Variants in FAM114A2 observed in about 807,000 individuals in gnomAD.
FAM114A2 encodes protein FAM114A2.
FAM114A2 carries 53 observed loss-of-function variants against 58.4 expected under a neutral mutation model. The observed-to-expected ratio is 0.91, with a 90% CI of 0.73 to 1.14. FAM114A2 has a LOEUF of 1.14. FAM114A2 is among the 50% of genes most tolerant of loss of function. The pLI is 0.00. For missense variants in FAM114A2, 601 were observed against 581.1 expected (o/e 1.03, Z -0.35); for synonymous variants, 228 against 211.4 (o/e 1.08, Z -0.68).
intron 8 of FAM114A2, among the ~76,000 whole-genome samples, chr5:154,022,223 G>C (rs1290180399): frequency 1.3e-5 from 2 of 152,122 alleles, no homozygotes; most frequent in Non-Finnish European, 2.9e-5. Context: ...ACATAGGCAT[G>C]GGCAAGGACT....
chr5:154,034,680 G>GC, intron 2 of FAM114A2, 64 bp downstream of exon 2: 1 of 1,199,048 alleles, frequency 8.3e-7, no homozygotes. Flanking sequence ...ATTTCTTTTA[G>GC]CCCCAACATT....
chr5:153,995,159 A>C, intron 12 of FAM114A2, 187 bp from the exon 13 acceptor site: 1 of 549,254 alleles, frequency 1.8e-6, no homozygotes. Flanking sequence ...TTCTTTCTTA[A>C]TATCTTTCTG....
intron 4 of FAM114A2, among the ~76,000 whole-genome samples, 175 bp downstream of exon 4, chr5:154,033,616 A>G (rs186141879): frequency 1.7e-3 from 256 of 152,334 alleles, no homozygotes; most frequent in African/African-American, 5.7e-3. Context: ...AGGGACACAT[A>G]AGCAGTTAAA....
At chr5:154,028,521 C>T (rs749854001) in intron 5 of FAM114A2, among the ~76,000 whole-genome samples, 4 of 152,130 alleles carry the variant, frequency 2.6e-5, no homozygotes. Context: ...CTCATGGTTA[C>T]ATCCTAACAG....
chr5:153,993,557 T>C (rs1379219510), intron 13 of FAM114A2, among the ~76,000 whole-genome samples: 1 of 152,176 alleles, frequency 6.6e-6, no homozygotes, highest in African/African-American at 2.4e-5. Context: ...GCACAATAAC[T>C]GCTCACACAC....
intron 13 of FAM114A2, among the ~76,000 whole-genome samples, chr5:153,994,158 C>A (rs1178815814): frequency 6.6e-6 from 1 of 152,150 alleles, no homozygotes; most frequent in Non-Finnish European, 1.5e-5. Flanking sequence ...GAATTAAAAT[C>A]ATTTCCTTGA....
At chr5:154,020,603 T>C (rs1466790404) in intron 8 of FAM114A2, among the ~76,000 whole-genome samples, 4 of 152,222 alleles carry the variant, frequency 2.6e-5, no homozygotes, top group South Asian at 2.1e-4. Context: ...CAGAAAGAAG[T>C]TGAATCTCTG....
At chr5:154,009,420 G>A (rs925912429) in intron 9 of FAM114A2, among the ~76,000 whole-genome samples, 4 of 152,178 alleles carry the variant, frequency 2.6e-5, no homozygotes, top group Admixed American at 6.5e-5. Context: ...GGAGAAAGGA[G>A]AGGTCATGAC....
Position 154,002,247 on chromosome 5 carries a change from T to C in FAM114A2, c.1256+4A>G, listed in dbSNP as rs763300211. On this transcript the variant is annotated splice_donor_region_variant and intron_variant, in intron 11 of 13. Transcript: ENST00000351797. ...TCATTTAGAGGAATTCTCATTACAC[T>C]TACTGGGAAAGAGTTTGGCTCCTTT... is the stretch of plus-strand genomic sequence containing the variant. 1 of 1,613,002 alleles carries C rather than the reference T, an allele frequency of 6.2e-7. No individual in the cohort carries two copies. The highest frequency in any genetic ancestry group is 8.5e-7 in the Non-Finnish European group (1 of 1,179,166).
At position 154,034,752 on chromosome 5, in the gene FAM114A2, G is replaced by C. The variant is rs374992675; in HGVS notation, c.202C>G (p.Pro68Ala). ...TCTGTGGTCTGTGATACCTGAATAG[G>C]GAGAACTTTTGAAGTCTCAAGGTCA... ...SSDLETSKVL[P>A]IQDNVSKDVP... Residue 68 changes from proline (P) to alanine (A), a missense_variant, in exon 2 of 14, where the codon CCT becomes GCT. Coordinates refer to ENST00000351797, the MANE Select transcript of FAM114A2 (RefSeq NM_018691.4). 6.2e-7 allele frequency: 1 copy of C among 1,609,390 alleles called. No homozygotes were observed. Among genetic ancestry groups the C allele is most frequent in the African/African-American group, 1.3e-5 (1 of 74,748 alleles).
chr5:154,027,088 A>G, intron 7 of FAM114A2, 88 bp downstream of exon 7: 3 of 1,099,286 alleles, frequency 2.7e-6, no homozygotes, highest in Non-Finnish European at 3.9e-6. Context: ...CATACACTTC[A>G]TCTTCCAAAT....
At chr5:154,027,089 T>A (rs1771834527) in intron 7 of FAM114A2, 87 bp downstream of exon 7, 2 of 1,105,446 alleles carry the variant, frequency 1.8e-6, no homozygotes, top group Admixed American at 4.9e-5. Flanking sequence ...ATACACTTCA[T>A]CTTCCAAATG....
rs1248661233 is a variant in FAM114A2, at chr5:154,028,282, C to A, written c.497G>T (p.Gly166Val). The A allele has an allele frequency of 8.8e-6, 14 of 1,588,532 alleles. No individual in the cohort carries two copies. Among genetic ancestry groups the A allele is most frequent in the East Asian group, 2.2e-5 (1 of 44,690 alleles). ...STISTAVQST[G>V]KSVISGGLDA... ...CAAACCCCCACTTATAACACTCTTT[C>A]CCTAGAAAATACATGCAACCTCATT... Residue 166 changes from glycine (G) to valine (V), a missense_variant and splice_region_variant, in exon 6 of 14, where the codon GGA becomes GTA. Coordinates refer to ENST00000351797, the MANE Select transcript of FAM114A2 (RefSeq NM_018691.4).
chr5:153,990,499 T>TAAAAAAA lies in FAM114A2; in HGVS notation c.*2470_*2476dup, dbSNP rs72473886. Reference sequence around the variant, plus strand: ...GCCTGCCAACCTGGATATCTATGCTTAAAAAAAAAAAAAAAAACTATCAAA... The same window carrying TAAAAAAA: ...GCCTGCCAACCTGGATATCTATGCTTAAAAAAAAAAAAAAAAAAAAAAAACTATCAAA... On this transcript the variant is annotated 3_prime_UTR_variant, in exon 14 of 14. Coordinates refer to ENST00000351797, the MANE Select transcript of FAM114A2 (RefSeq NM_018691.4). 1 of 143,394 alleles carries TAAAAAAA rather than the reference T, an allele frequency of 7.0e-6. No homozygotes were observed. The allele number at this position is 143,394 out of a possible 1,614,324, so 8.9% of individuals were successfully genotyped here.
At chr5:153,995,033 C>T (rs922346344) in intron 12 of FAM114A2, 61 bp from the exon 13 acceptor site, 91 of 1,046,366 alleles carry the variant, frequency 8.7e-5, no homozygotes, top group Middle Eastern at 2.0e-4. Flanking sequence ...AAGTGGAGTA[C>T]GATCACACTT....
intron 13 of FAM114A2, among the ~76,000 whole-genome samples, chr5:153,993,705 C>T (rs1437259054): frequency 6.6e-6 from 1 of 152,072 alleles, no homozygotes. Flanking sequence ...AAAGCCCTCA[C>T]CTTTCAAAAG....
chr5:154,000,988 AC>A (rs1769932542), intron 11 of FAM114A2, among the ~76,000 whole-genome samples: 1 of 152,186 alleles, frequency 6.6e-6, no homozygotes, highest in Non-Finnish European at 1.5e-5. Flanking sequence ...TCTAATTTTT[AC>A]AACAACTCCA....
At chr5:153,996,993 A>T (rs1288245837) in intron 12 of FAM114A2, among the ~76,000 whole-genome samples, 1 of 18,868 alleles carries the variant, frequency 5.3e-5, no homozygotes, top group Non-Finnish European at 1.1e-4. Context: ...GCAAAACTTA[A>T]AAAAAAAAAA....
At chr5:153,996,610 CACAA>C (rs1421778306) in intron 12 of FAM114A2, among the ~76,000 whole-genome samples, 2 of 146,862 alleles carry the variant, frequency 1.4e-5, no homozygotes, top group South Asian at 2.2e-4. Context: ...ATAATAAAAA[CACAA>C]ACAACCCAAG....
Sources: allele counts gnomAD v4.1 joint callset (sites outside exome capture counted in the v4.1 genomes callset), GRCh38; gene constraint gnomAD v4.1.1; transcripts MANE v1.5; gene names NCBI Gene and HGNC (gene_info 2026-07-23, HGNC 2026-07-21).